Variants in SDCCAG8 observed in about 807,000 individuals in gnomAD.
SDCCAG8 encodes serologically defined colon cancer antigen 8.
A neutral mutation model predicts 101.8 loss-of-function variants in SDCCAG8; 74 were observed. The ratio of observed to expected loss-of-function variants is 0.73; its 90% confidence interval spans 0.60 to 0.88. The LOEUF is 0.88. Ranked by LOEUF, SDCCAG8 falls within the 40% of genes least tolerant of loss-of-function variation. The pLI, the probability that SDCCAG8 is intolerant of heterozygous loss-of-function variation, is 0.00. For missense variants in SDCCAG8, 787 were observed against 822.6 expected (o/e 0.96, Z 0.53); for synonymous variants, 281 against 292.9 (o/e 0.96, Z 0.41).
chr1:243,370,867 G>A (rs2077250636), intron 12 of SDCCAG8, among the ~76,000 whole-genome samples: 1 of 152,078 alleles, frequency 6.6e-6, no homozygotes, highest in Non-Finnish European at 1.5e-5. Flanking sequence ...CACATTGGAA[G>A]CAATTGGAAA....
intron 13 of SDCCAG8, among the ~76,000 whole-genome samples, chr1:243,385,717 C>T (rs1046293049): frequency 6.6e-6 from 1 of 152,108 alleles, no homozygotes. Flanking sequence ...TGCCTGTAAT[C>T]CCAGCACTTT....
At chr1:243,413,188 T>C (rs1396082335) in intron 13 of SDCCAG8, among the ~76,000 whole-genome samples, 3 of 152,172 alleles carry the variant, frequency 2.0e-5, no homozygotes, top group Non-Finnish European at 4.4e-5. Context: ...TTCTTTTCTA[T>C]AGTCAATTTA....
chr1:243,491,346 C>T (rs1204961896), intron 17 of SDCCAG8, among the ~76,000 whole-genome samples: 1 of 152,234 alleles, frequency 6.6e-6, no homozygotes, highest in Non-Finnish European at 1.5e-5. Context: ...GAAGCAACAG[C>T]AATGATTTGC....
At chr1:243,335,370 G>A (rs1244719387) in intron 10 of SDCCAG8, among the ~76,000 whole-genome samples, 1 of 152,160 alleles carries the variant, frequency 6.6e-6, no homozygotes, top group Non-Finnish European at 1.5e-5. Context: ...GGTATCAATA[G>A]CAAACACCAG....
chr1:243,327,836 T>A (rs1168795111), intron 9 of SDCCAG8, among the ~76,000 whole-genome samples: 1 of 152,240 alleles, frequency 6.6e-6, no homozygotes, highest in African/African-American at 2.4e-5. Flanking sequence ...TTTTCTTCAC[T>A]GTGACCGGAC....
At chr1:243,311,914 A>G (rs1417355217) in intron 8 of SDCCAG8, among the ~76,000 whole-genome samples, 4 of 152,208 alleles carry the variant, frequency 2.6e-5, no homozygotes, top group Non-Finnish European at 5.9e-5. Context: ...AAGATTCTTG[A>G]TCAGTTATGT....
chr1:243,417,939 T>C (rs2080714242), intron 14 of SDCCAG8, 29 bp from the exon 15 acceptor site: 1 of 1,492,144 alleles, frequency 6.7e-7, no homozygotes, highest in Non-Finnish European at 9.4e-7. Flanking sequence ...AAACATCTTA[T>C]GTTGGTGGGG....
chr1:243,318,107 A>G (rs1443402358), intron 9 of SDCCAG8: 1 of 456,364 alleles, frequency 2.2e-6, no homozygotes, highest in Admixed American at 2.4e-5. Flanking sequence ...ATCAATCTAA[A>G]TGTTCATCAC....
chr1:243,375,150 C>A (rs568521056), intron 12 of SDCCAG8, among the ~76,000 whole-genome samples: 3 of 151,978 alleles, frequency 2.0e-5, no homozygotes, highest in African/African-American at 7.2e-5. Context: ...GTGGGTGGTG[C>A]GAGACCTAAA....
chr1:243,425,744 A>G (rs183585078), intron 15 of SDCCAG8, among the ~76,000 whole-genome samples: 1 of 152,296 alleles, frequency 6.6e-6, no homozygotes, highest in East Asian at 1.9e-4. Context: ...TGAGACTTGG[A>G]TTGTCATCTA....
intron 4 of SDCCAG8, among the ~76,000 whole-genome samples, chr1:243,275,821 A>G (rs2068499810): frequency 6.7e-6 from 1 of 149,024 alleles, no homozygotes; most frequent in African/African-American, 2.5e-5. Context: ...TGTCTTTGGG[A>G]ATGTTTCTAT....
intron 15 of SDCCAG8, among the ~76,000 whole-genome samples, chr1:243,424,699 A>G (rs1041844527): frequency 6.6e-6 from 1 of 152,070 alleles, no homozygotes; most frequent in African/African-American, 2.4e-5. Flanking sequence ...TGGGTTGCAA[A>G]GAAAGGTTGT....
In SDCCAG8 at chr1:243,497,854, A is replaced by G. The variant is rs75828119; in HGVS notation, c.2113-1902A>G. ...CCACCACACATGGCTAATTTTTACAATTTTTTTTGTAGAGATGAGGTCTCA... is the reference window on the plus strand; with the variant it reads ...CCACCACACATGGCTAATTTTTACAGTTTTTTTTGTAGAGATGAGGTCTCA... On this transcript the variant is annotated intron_variant, in intron 17 of 17. Coordinates refer to ENST00000366541, the MANE Select transcript of SDCCAG8 (RefSeq NM_006642.5). 2.7e-3 allele frequency among the ~76,000 whole-genome samples: 404 copies of G among 151,816 alleles called. 1 individual carries two copies. The highest frequency in any genetic ancestry group is 9.5e-3 in the African/African-American group (392 of 41,376).
chr1:243,464,062 A>T (rs1443882711), intron 16 of SDCCAG8, among the ~76,000 whole-genome samples: 2 of 152,182 alleles, frequency 1.3e-5, no homozygotes, highest in Non-Finnish European at 2.9e-5. Context: ...ACATGGTTGG[A>T]TGAAATGCTG....
intron 1 of SDCCAG8, among the ~76,000 whole-genome samples, chr1:243,263,821 C>T (rs1264478597): frequency 6.6e-6 from 1 of 152,194 alleles, no homozygotes; most frequent in Admixed American, 6.5e-5. Context: ...TTGTAATTGC[C>T]TTTCACAAAG....
intron 12 of SDCCAG8, among the ~76,000 whole-genome samples, chr1:243,348,058 C>G (rs185323603): frequency 3.3e-5 from 4 of 122,044 alleles, no homozygotes; most frequent in Non-Finnish European, 6.6e-5. Context: ...TTTTTTAGGA[C>G]GGAGTCTCCC....
At chr1:243,421,936 T>G (rs1297662987) in intron 15 of SDCCAG8, among the ~76,000 whole-genome samples, 1 of 152,166 alleles carries the variant, frequency 6.6e-6, no homozygotes, top group Admixed American at 6.5e-5. Context: ...CGCGCTTAGA[T>G]GAATCAGCAG....
Position 243,415,796 on chromosome 1 carries a change from A to T in SDCCAG8, c.1711A>T (p.Ile571Leu), listed in dbSNP as rs1176784180. 1 of 1,613,738 alleles carries T rather than the reference A, an allele frequency of 6.2e-7. No individual in the cohort carries two copies. The highest frequency in any genetic ancestry group is 2.2e-5 in the East Asian group (1 of 44,874). Residue 571 changes from isoleucine to leucine, a missense_variant, in exon 14 of 18, where the codon ATA (isoleucine) becomes TTA (leucine). Ile to Leu is a conservative substitution (Grantham distance 5, BLOSUM62 2). Coordinates refer to ENST00000366541, the MANE Select transcript of SDCCAG8 (RefSeq NM_006642.5). ...QQREQELTQKIQQMEAQHDKT... is the reference protein window; with the variant it reads ...QQREQELTQKLQQMEAQHDKT... ...AAGAGAGCAGGAGCTGACACAGAAGATACAGCAAATGGAGGCCCAGCATGA... is the reference window on the plus strand; with the variant it reads ...AAGAGAGCAGGAGCTGACACAGAAGTTACAGCAAATGGAGGCCCAGCATGA...
intron 12 of SDCCAG8, among the ~76,000 whole-genome samples, chr1:243,355,550 G>A (rs184051465): frequency 3.5e-4 from 53 of 152,246 alleles, no homozygotes; most frequent in Admixed American, 2.2e-3. Context: ...CGTTCTACTC[G>A]AAAGATTATT....
Sources: gnomAD v4.1 joint callset for allele counts (sites outside exome capture counted in the v4.1 genomes callset) on GRCh38, gnomAD v4.1.1 for gene constraint, MANE v1.5 for transcripts, NCBI Gene and HGNC (gene_info 2026-07-23, HGNC 2026-07-21) for gene names.